The following KLHL32 variants were observed in gnomAD, a reference collection of about 807,000 sequenced individuals.
The protein encoded by KLHL32 is kelch-like protein 32.
Under a neutral mutation model 64.8 loss-of-function variants are expected in KLHL32, and 35 were observed. That is an observed-to-expected ratio of 0.54 (90% CI 0.41 to 0.72). The LOEUF is 0.72. Among genes scored for constraint, KLHL32 ranks in the 30% least tolerant of loss-of-function variants. KLHL32 has a pLI of 0.00. For missense variants in KLHL32, 589 were observed against 768.5 expected, an observed-to-expected ratio of 0.77 and a Z score of 2.76; for synonymous variants, 259 against 281.0, an observed-to-expected ratio of 0.92 and a Z score of 0.78.
chr6:96,933,165 G>A (rs1582382982), intron 1 of KLHL32, among the ~76,000 whole-genome samples: 4 of 152,168 alleles, frequency 2.6e-5, no homozygotes, highest in South Asian at 4.2e-4. Context: ...CCAACATAAC[G>A]CCTTTGAAAA....
intron 5 of KLHL32, among the ~76,000 whole-genome samples, chr6:97,079,194 G>C (rs6917827): frequency 0.072 from 10,926 of 152,160 alleles, 870 homozygotes; most frequent in Admixed American, 0.21. Flanking sequence ...TATGAACTTT[G>C]GTCATTTATT....
At chr6:97,052,306 C>T (rs1454690588) in intron 4 of KLHL32, among the ~76,000 whole-genome samples, 2 of 152,112 alleles carry the variant, frequency 1.3e-5, no homozygotes, top group Non-Finnish European at 2.9e-5. Flanking sequence ...ACTCAGATAC[C>T]ACAAGGACAG....
chr6:97,029,964 T>C (rs1582773747), intron 3 of KLHL32, among the ~76,000 whole-genome samples: 4 of 152,256 alleles, frequency 2.6e-5, no homozygotes, highest in East Asian at 1.9e-4. Flanking sequence ...ACTGTAATCA[T>C]TGCGAGTTGC....
intron 1 of KLHL32, among the ~76,000 whole-genome samples, chr6:96,928,142 CA>C (rs1769389606): frequency 6.6e-6 from 1 of 152,050 alleles, no homozygotes; most frequent in Admixed American, 6.5e-5. Context: ...TATAAGATTC[CA>C]TAGAAGCTCA....
intron 1 of KLHL32, among the ~76,000 whole-genome samples, chr6:96,935,897 A>T (rs1010069231): frequency 9.2e-5 from 14 of 152,180 alleles, no homozygotes; most frequent in African/African-American, 3.4e-4. Context: ...TCCTAAGGAG[A>T]AATAAATCTT....
intron 6 of KLHL32, among the ~76,000 whole-genome samples, chr6:97,108,733 T>A (rs181378954): frequency 6.6e-6 from 1 of 152,330 alleles, no homozygotes; most frequent in Non-Finnish European, 1.5e-5. Flanking sequence ...AGAGTGTTTC[T>A]ATGGCTTACT....
intron 3 of KLHL32, among the ~76,000 whole-genome samples, chr6:96,995,644 C>T (rs9400487): frequency 0.24 from 37,223 of 151,996 alleles, 5,885 homozygotes; most frequent in East Asian, 0.53. Flanking sequence ...AGGGCCTTTG[C>T]ACTTCTCAGC....
At chr6:97,028,213 G>A (rs933608130) in intron 3 of KLHL32, among the ~76,000 whole-genome samples, 22 of 152,026 alleles carry the variant, frequency 1.4e-4, no homozygotes, top group African/African-American at 3.6e-4. Context: ...GGTAGGAGCC[G>A]AGATTCTATA....
chr6:96,977,894 G>A (rs1316534771), intron 3 of KLHL32, among the ~76,000 whole-genome samples: 1 of 152,184 alleles, frequency 6.6e-6, no homozygotes, highest in Non-Finnish European at 1.5e-5. Context: ...AGATGATACA[G>A]AGTATCTGTA....
At chr6:97,063,103 T>C (rs1274030224) in intron 4 of KLHL32, among the ~76,000 whole-genome samples, 1 of 152,240 alleles carries the variant, frequency 6.6e-6, no homozygotes, top group Non-Finnish European at 1.5e-5. Context: ...ATTTCATTTG[T>C]GGTTTTAAAG....
intron 3 of KLHL32, among the ~76,000 whole-genome samples, chr6:97,013,389 T>C (rs1430179119): frequency 2.0e-5 from 3 of 152,196 alleles, no homozygotes; most frequent in Non-Finnish European, 4.4e-5. Flanking sequence ...ATGGAGAGAA[T>C]GGTACCTGTT....
intron 3 of KLHL32, among the ~76,000 whole-genome samples, chr6:96,994,123 A>C (rs1297897584): frequency 6.6e-6 from 1 of 152,200 alleles, no homozygotes; most frequent in Non-Finnish European, 1.5e-5. Context: ...TCTCATTCAC[A>C]ATATATGCCA....
intron 10 of KLHL32, among the ~76,000 whole-genome samples, chr6:97,138,349 CACA>C (rs980573429): frequency 6.6e-6 from 1 of 151,994 alleles, no homozygotes; most frequent in African/African-American, 2.4e-5. Flanking sequence ...GAGCAGGCTG[CACA>C]ACATGGCGAG....
intron 6 of KLHL32, 66 bp from the exon 7 acceptor site, chr6:97,113,717 A>G: frequency 6.4e-7 from 1 of 1,558,810 alleles, no homozygotes; most frequent in Non-Finnish European, 8.7e-7. Context: ...ACCTACCTAT[A>G]TGCTGTTGCT....
At chr6:96,941,008 A>G (rs1771213558) in intron 1 of KLHL32, among the ~76,000 whole-genome samples, 1 of 152,250 alleles carries the variant, frequency 6.6e-6, no homozygotes, top group Non-Finnish European at 1.5e-5. Context: ...TGAAGTGCAT[A>G]GTCCTGGAAA....
Position 96,947,635 on chromosome 6 carries a change from G to A in KLHL32, c.-65-19361G>A, listed in dbSNP as rs376582170. Reference sequence around the variant, plus strand: ...GTAATTTGGGAGTACAGATGGGAAGGTATATTGCCTTTTGTACTCTGGCAT... The same window carrying A: ...GTAATTTGGGAGTACAGATGGGAAGATATATTGCCTTTTGTACTCTGGCAT... On this transcript the variant is annotated intron_variant, in intron 1 of 10. Transcript: ENST00000369261. Among the ~76,000 whole-genome samples the A allele has an allele frequency of 1.9e-4, 29 of 152,228 alleles. 1 individual carries two copies. The highest frequency in any genetic ancestry group is 6.5e-4 in the African/African-American group (27 of 41,550).
chr6:97,092,893 A>T (rs1007630149), intron 6 of KLHL32, among the ~76,000 whole-genome samples: 1 of 152,230 alleles, frequency 6.6e-6, no homozygotes, highest in Non-Finnish European at 1.5e-5. Flanking sequence ...GGCAGTGATT[A>T]TCAGAAATTA....
At chr6:97,026,068 T>C (rs1222591536) in intron 3 of KLHL32, among the ~76,000 whole-genome samples, 1 of 151,930 alleles carries the variant, frequency 6.6e-6, no homozygotes, top group Non-Finnish European at 1.5e-5. Context: ...AAAATATAAT[T>C]ATATAAATTT....
chr6:96,986,981 A>T (rs1777180332), intron 3 of KLHL32, among the ~76,000 whole-genome samples: 1 of 152,188 alleles, frequency 6.6e-6, no homozygotes, highest in Admixed American at 6.5e-5. Context: ...GGAGCTGTAG[A>T]CTGGAGCTGT....
Sources: allele counts gnomAD v4.1 joint callset (sites outside exome capture counted in the v4.1 genomes callset), GRCh38; gene constraint gnomAD v4.1.1; transcripts MANE v1.5; gene names NCBI Gene and HGNC (gene_info 2026-07-23, HGNC 2026-07-21).